The following RBFOX2 variants were observed in gnomAD, a reference collection of about 807,000 sequenced individuals.
RBFOX2 encodes the protein RNA binding fox-1 homolog 2.
A neutral mutation model predicts 49.1 loss-of-function variants in RBFOX2; 10 were observed. The ratio of observed to expected loss-of-function variants is 0.20; its 90% CI spans 0.13 to 0.35. RBFOX2 has a LOEUF of 0.35. Among genes scored for constraint, RBFOX2 ranks in the 10% least tolerant of loss-of-function variants. The pLI, the probability that RBFOX2 is intolerant of heterozygous loss-of-function variation, is 1.00. For missense variants in RBFOX2, 323 were observed against 486.9 expected (o/e 0.66, Z 3.17); for synonymous variants, 183 against 187.4 (o/e 0.98, Z 0.19).
intron 1 of RBFOX2, among the ~76,000 whole-genome samples, chr22:35,927,195 A>T (rs2051749131): frequency 6.6e-6 from 1 of 152,244 alleles, no homozygotes; most frequent in Admixed American, 6.5e-5. Flanking sequence ...GTGAACAAGG[A>T]TCTTAATGGA....
chr22:35,854,161 G>A (rs1305836881), intron 1 of RBFOX2, among the ~76,000 whole-genome samples: 2 of 152,056 alleles, frequency 1.3e-5, no homozygotes, highest in African/African-American at 4.8e-5. Context: ...GCAGTGAGCC[G>A]AGACTGTGCC....
intron 2 of RBFOX2, among the ~76,000 whole-genome samples, chr22:35,809,569 CA>C (rs945664596): frequency 2.0e-5 from 3 of 152,126 alleles, no homozygotes; most frequent in Admixed American, 1.3e-4. Flanking sequence ...CAGTGCTTGG[CA>C]GGAAAATTGG....
intron 2 of RBFOX2, among the ~76,000 whole-genome samples, chr22:35,797,848 C>G (rs1169970706): frequency 6.6e-6 from 1 of 152,204 alleles, no homozygotes; most frequent in Non-Finnish European, 1.5e-5. Context: ...TCCCTGCCTG[C>G]AATGTCCTCT....
At chr22:35,962,290 A>T (rs2056276577), upstream of RBFOX2, among the ~76,000 whole-genome samples, 2 of 152,234 alleles carry the variant, frequency 1.3e-5, no homozygotes, top group South Asian at 2.1e-4. Flanking sequence ...GATCAAACAC[A>T]CTAAGCCTGG....
At chr22:36,028,205 C>T in intron 1 of RBFOX2, 35 bp downstream of exon 1, 3 of 1,458,792 alleles carry the variant, frequency 2.1e-6, no homozygotes, top group South Asian at 2.7e-5. Flanking sequence ...ACGCCCACCC[C>T]CGCAATAACT....
chr22:35,991,369 A>AT (rs923639796), intron 1 of RBFOX2, among the ~76,000 whole-genome samples: 47 of 152,302 alleles, frequency 3.1e-4, no homozygotes, highest in Admixed American at 2.0e-3. Flanking sequence ...GGCCACAAGT[A>AT]TTTACATTCT....
Position 35,746,500 on chromosome 22 carries a change from G to A in RBFOX2, c.949C>T (p.Gln317Ter). 6.2e-7 allele frequency: 1 copy of A among 1,609,078 alleles called. No individual in the cohort carries two copies. Among genetic ancestry groups the A allele is most frequent in the Non-Finnish European group, 8.5e-7 (1 of 1,177,202 alleles). The change falls in exon 10 of 12, where the codon CAG (glutamine) becomes TAG (stop). Residue 317 changes from glutamine (Q) to a stop codon, truncating the protein, a stop_gained. Transcript: ENST00000405409. LOFTEE classifies it high-confidence loss of function. ...GTCACTGTAAGCGGCTGCAGCGGCT[G>A]CAGCAGCGGTGGCTGCGGTTGCAGT...
At chr22:35,971,321 G>A (rs2056858868) in intron 1 of RBFOX2, among the ~76,000 whole-genome samples, 1 of 152,116 alleles carries the variant, frequency 6.6e-6, no homozygotes. Context: ...CCATCCCCAT[G>A]CAATGTTATA....
chr22:35,819,647 TTGAG>T lies in RBFOX2; in HGVS notation c.28-9647_28-9644del, dbSNP rs550268661. Reference sequence around the variant, plus strand: ...TTCAACTCTTGCCATCAAATATTTATTGAGTATCTATCATTCATCAGATATTCTG... The same window carrying T: ...TTCAACTCTTGCCATCAAATATTTATTATCTATCATTCATCAGATATTCTG... On this transcript the variant is annotated intron_variant, in intron 1 of 11. Transcript: ENST00000405409. Among the ~76,000 whole-genome samples the T allele has an allele frequency of 1.5e-3, 223 of 152,360 alleles. 2 individuals carry two copies. Among genetic ancestry groups the T allele is most frequent in the African/African-American group, 4.8e-3 (201 of 41,588 alleles).
At chr22:35,844,660 GT>G (rs557706176), upstream of RBFOX2, among the ~76,000 whole-genome samples, 594 of 114,218 alleles carry the variant, frequency 5.2e-3, no homozygotes, top group Admixed American at 9.4e-3. Flanking sequence ...ATGCCCGGCA[GT>G]TTTTTTTTTT....
intron 1 of RBFOX2, among the ~76,000 whole-genome samples, chr22:35,961,410 T>A (rs1049262166): frequency 6.6e-6 from 1 of 151,676 alleles, no homozygotes; most frequent in Non-Finnish European, 1.5e-5. Context: ...GGTTTCCAGA[T>A]TTTTTTTTAA....
intron 4 of RBFOX2, among the ~76,000 whole-genome samples, chr22:35,775,841 CAAAAA>C (rs753116056): frequency 8.9e-5 from 5 of 56,178 alleles, no homozygotes; most frequent in African/African-American, 3.6e-4. Flanking sequence ...GAATCTGCCT[CAAAAA>C]AAAAAAAAAA....
intron 1 of RBFOX2, among the ~76,000 whole-genome samples, chr22:35,889,752 T>G (rs1387565734): frequency 1.3e-5 from 2 of 152,188 alleles, no homozygotes; most frequent in East Asian, 3.8e-4. Context: ...TGTCTACATT[T>G]TGTGATAATT....
intron 2 of RBFOX2, among the ~76,000 whole-genome samples, chr22:35,805,860 T>A (rs1950632967): frequency 6.6e-6 from 1 of 151,954 alleles, no homozygotes; most frequent in Non-Finnish European, 1.5e-5. Flanking sequence ...TATTACTAAG[T>A]GAAAGAAGCC....
chr22:35,770,789 T>C (rs1026393168), intron 4 of RBFOX2, among the ~76,000 whole-genome samples: 2 of 152,200 alleles, frequency 1.3e-5, no homozygotes, highest in Admixed American at 1.3e-4. Context: ...TGTCAAAGTT[T>C]AACATTCATG....
chr22:35,751,776 T>C (rs1473060780), intron 9 of RBFOX2, among the ~76,000 whole-genome samples: 2 of 152,190 alleles, frequency 1.3e-5, no homozygotes, highest in African/African-American at 4.8e-5. Flanking sequence ...TTGTTTAAAA[T>C]TGGGGTTAAG....
exon 1 of RBFOX2, chr22:36,028,511 G>C: frequency 9.7e-7 from 1 of 1,030,666 alleles, no homozygotes; most frequent in Non-Finnish European, 1.2e-6. Flanking sequence ...TGTCGCGACA[G>C]GCGGGCGCGC....
intron 1 of RBFOX2, among the ~76,000 whole-genome samples, chr22:35,958,898 G>T (rs2055889299): frequency 6.6e-6 from 1 of 151,834 alleles, no homozygotes; most frequent in Non-Finnish European, 1.5e-5. Context: ...TCATCTTCTA[G>T]CCCTCTTAGA....
At chr22:35,868,958 A>G (rs1419116153) in intron 1 of RBFOX2, among the ~76,000 whole-genome samples, 1 of 151,962 alleles carries the variant, frequency 6.6e-6, no homozygotes, top group Non-Finnish European at 1.5e-5. Flanking sequence ...TCCTAATGCT[A>G]CCTCTTTTGA....
Sources: gnomAD v4.1 joint callset for allele counts (sites outside exome capture counted in the v4.1 genomes callset) on GRCh38, gnomAD v4.1.1 for gene constraint, MANE v1.5 for transcripts, NCBI Gene and HGNC (gene_info 2026-07-23, HGNC 2026-07-21) for gene names.